The following PLCL1 variants were observed in gnomAD, a reference collection of about 807,000 sequenced individuals.
PLCL1 encodes the protein phospholipase C like 1 (inactive).
PLCL1 carries 41 observed loss-of-function variants against 84.4 expected under a neutral mutation model. The ratio of observed to expected loss-of-function variants is 0.49; its 90% CI spans 0.38 to 0.63. PLCL1 has a LOEUF of 0.63. Ranked by LOEUF, PLCL1 falls within the 30% of genes least tolerant of loss-of-function variation. The probability of loss-of-function intolerance (pLI) is 0.00; values close to 1 mark genes in which losing one functional copy is unlikely to be tolerated. For missense variants in PLCL1, 1,206 were observed against 1,367.8 expected, an observed-to-expected ratio of 0.88 and a Z score of 1.87; for synonymous variants, 490 against 488.3, an observed-to-expected ratio of 1.00 and a Z score of -0.05.
At chr2:197,949,329 T>G (rs776616679) in intron 1 of PLCL1, among the ~76,000 whole-genome samples, 1 of 152,172 alleles carries the variant, frequency 6.6e-6, no homozygotes, top group Non-Finnish European at 1.5e-5. Flanking sequence ...GCAGGTGGAA[T>G]CTCTCCCTAG....
At chr2:198,119,406 T>TG (rs954317623) in intron 5 of PLCL1, among the ~76,000 whole-genome samples, 1 of 152,012 alleles carries the variant, frequency 6.6e-6, no homozygotes, top group Non-Finnish European at 1.5e-5. Flanking sequence ...TCCTCTGTGA[T>TG]GGGGGCTTTG....
intron 5 of PLCL1, among the ~76,000 whole-genome samples, chr2:198,115,910 T>G (rs993862054): frequency 1.7e-4 from 25 of 149,082 alleles, no homozygotes; most frequent in Admixed American, 1.6e-3. Flanking sequence ...ATCTCATATA[T>G]AAAAAATTTT....
intron 1 of PLCL1, among the ~76,000 whole-genome samples, chr2:197,924,634 G>A (rs1311947980): frequency 6.6e-6 from 1 of 151,780 alleles, no homozygotes; most frequent in Non-Finnish European, 1.5e-5. Context: ...GTTTAATGAA[G>A]CGCTCACAGG....
intron 1 of PLCL1, among the ~76,000 whole-genome samples, chr2:197,855,329 T>G (rs1687311244): frequency 1.3e-5 from 2 of 152,190 alleles, no homozygotes; most frequent in Non-Finnish European, 2.9e-5. Context: ...CTGAAGCCGC[T>G]TAATCCCCAC....
At chr2:197,864,525 G>A (rs761482555) in intron 1 of PLCL1, among the ~76,000 whole-genome samples, 6 of 150,434 alleles carry the variant, frequency 4.0e-5, no homozygotes. Flanking sequence ...TTGTCACCTG[G>A]GCAGGAGTGC....
intron 1 of PLCL1, among the ~76,000 whole-genome samples, chr2:197,994,479 T>G (rs929610592): frequency 2.0e-5 from 3 of 152,196 alleles, no homozygotes; most frequent in East Asian, 1.9e-4. Context: ...TGGGAAAGAT[T>G]GCTTTATATT....
intron 1 of PLCL1, among the ~76,000 whole-genome samples, chr2:197,922,683 C>T (rs1688730217): frequency 8.6e-6 from 1 of 116,620 alleles, no homozygotes; most frequent in South Asian, 3.3e-4. Context: ...GACGGGGCGG[C>T]TGGCTGGGCA....
At chr2:197,905,310 T>C (rs1305664520) in intron 1 of PLCL1, among the ~76,000 whole-genome samples, 1 of 152,222 alleles carries the variant, frequency 6.6e-6, no homozygotes, top group African/African-American at 2.4e-5. Context: ...TGTGTTCTCA[T>C]TGTTCAACTC....
chr2:198,125,833 A>T (rs1167173597), intron 5 of PLCL1, among the ~76,000 whole-genome samples: 2 of 152,144 alleles, frequency 1.3e-5, no homozygotes, highest in African/African-American at 4.8e-5. Flanking sequence ...TGAACAAAAA[A>T]ATATGGAAAA....
intron 1 of PLCL1, among the ~76,000 whole-genome samples, chr2:197,969,304 C>T (rs1689811873): frequency 6.6e-6 from 1 of 152,126 alleles, no homozygotes; most frequent in Admixed American, 6.5e-5. Context: ...TTGTAGTGTA[C>T]ATTTTTTATA....
Position 197,804,628 on chromosome 2 carries a change from C to A in PLCL1, c.-472C>A, listed in dbSNP as rs529681870. On this transcript the variant is annotated 5_prime_UTR_variant, in exon 1 of 6. Coordinates refer to ENST00000428675, the MANE Select transcript of PLCL1 (RefSeq NM_006226.4). The stretch of plus-strand genomic sequence containing the variant: ...GGAGGCCGCCGCCGCCGCCGCACTT[C>A]CTGGGACCGCTGCGCCGCAGTCCGC... The A allele has an allele frequency of 2.7e-4, 40 of 148,148 alleles. No individual in the cohort carries two copies. The highest frequency in any genetic ancestry group is 2.6e-3 in the South Asian group (13 of 5,082). 9.2% of individuals were successfully genotyped at this position (148,148 alleles called of 1,614,324 possible).
chr2:198,086,267 C>A, intron 2 of PLCL1, 35 bp downstream of exon 2: 1 of 1,326,110 alleles, frequency 7.5e-7, no homozygotes, highest in Non-Finnish European at 1.1e-6. Context: ...TTCCCTATCC[C>A]TGCTTATTCC....
chr2:197,856,265 T>C (rs903887727), intron 1 of PLCL1, among the ~76,000 whole-genome samples: 1 of 152,208 alleles, frequency 6.6e-6, no homozygotes, highest in African/African-American at 2.4e-5. Context: ...TTTACTTCCT[T>C]TTTATAGTTG....
At chr2:197,903,713 C>G (rs999050364) in intron 1 of PLCL1, among the ~76,000 whole-genome samples, 26 of 133,680 alleles carry the variant, frequency 1.9e-4, no homozygotes, top group African/African-American at 7.2e-4. Flanking sequence ...CCGTGTTAGC[C>G]GGGATGGTCT....
chr2:197,811,746 A>G (rs1690591461), intron 1 of PLCL1, among the ~76,000 whole-genome samples: 1 of 152,200 alleles, frequency 6.6e-6, no homozygotes, highest in South Asian at 2.1e-4. Flanking sequence ...TTGAAAGATA[A>G]TATCTGCTTT....
At chr2:197,916,865 T>C (rs2105750985) in intron 1 of PLCL1, among the ~76,000 whole-genome samples, 1 of 152,326 alleles carries the variant, frequency 6.6e-6, no homozygotes, top group Non-Finnish European at 1.5e-5. Context: ...GATGTCATTT[T>C]TGTCATTAGG....
chr2:198,081,139 A>C (rs1253962872), intron 1 of PLCL1, among the ~76,000 whole-genome samples: 1 of 152,236 alleles, frequency 6.6e-6, no homozygotes, highest in Non-Finnish European at 1.5e-5. Context: ...AACCATATAC[A>C]TTCATTTAGA....
chr2:197,958,853 G>A (rs935878960), intron 1 of PLCL1, among the ~76,000 whole-genome samples: 3 of 151,910 alleles, frequency 2.0e-5, no homozygotes, highest in Non-Finnish European at 4.4e-5. Flanking sequence ...CTAGTAAGTG[G>A]TAGAGTTGAG....
intron 1 of PLCL1, among the ~76,000 whole-genome samples, chr2:197,936,530 G>A (rs1689058841): frequency 6.6e-6 from 1 of 151,942 alleles, no homozygotes; most frequent in South Asian, 2.1e-4. Flanking sequence ...TCATATACCC[G>A]TTGGCCATTT....
Sources: allele counts gnomAD v4.1 joint callset (sites outside exome capture counted in the v4.1 genomes callset), GRCh38; gene constraint gnomAD v4.1.1; transcripts MANE v1.5; gene names NCBI Gene and HGNC (gene_info 2026-07-23, HGNC 2026-07-21).